Variants in GABRG3 observed in about 807,000 individuals in gnomAD.
The protein encoded by GABRG3 is gamma-aminobutyric acid receptor subunit gamma-3.
GABRG3 carries 25 observed loss-of-function variants against 48.8 expected under a neutral mutation model. The observed-to-expected ratio is 0.51, with a 90% CI of 0.37 to 0.72. GABRG3 has a LOEUF of 0.72. Among genes scored for constraint, GABRG3 ranks in the 30% least tolerant of loss-of-function variants. GABRG3 has a pLI of 0.00. For synonymous variants in GABRG3, 227 were observed against 217.6 expected, an observed-to-expected ratio of 1.04 and a Z score of -0.38; for missense variants, 394 against 577.9, an observed-to-expected ratio of 0.68 and a Z score of 3.26.
chr15:27,286,698 G>A lies in GABRG3; in HGVS notation c.271-40111G>A, dbSNP rs553061626. ...GAGCTCAAGTGCTTTTAGAAAAGAAGTTTTGAATTACTACTAATAAATATA... is the reference window on the plus strand; with the variant it reads ...GAGCTCAAGTGCTTTTAGAAAAGAAATTTTGAATTACTACTAATAAATATA... On this transcript the variant is annotated intron_variant, in intron 3 of 9. Transcript: ENST00000615808. Among the ~76,000 whole-genome samples, 5 of 152,288 alleles carry A rather than the reference G, an allele frequency of 3.3e-5. No homozygotes were observed. The South Asian group carries it at 1.0e-3, about 32-fold the overall frequency.
intron 5 of GABRG3, among the ~76,000 whole-genome samples, chr15:27,456,872 C>T (rs991257482): frequency 4.6e-5 from 7 of 152,188 alleles, no homozygotes; most frequent in South Asian, 4.1e-4. Context: ...CCACCTGCAG[C>T]AGCAGGAAGA....
At chr15:27,313,015 T>C (rs559458992) in intron 3 of GABRG3, among the ~76,000 whole-genome samples, 2 of 148,608 alleles carry the variant, frequency 1.3e-5, no homozygotes, top group African/African-American at 2.5e-5. Context: ...AAGACATACA[T>C]AGGCTGAGAA....
chr15:27,266,745 C>G lies in GABRG3; in HGVS notation c.271-60064C>G, dbSNP rs570403365. Reference sequence around the variant, plus strand: ...GTTTCAATGTACATATGTTTTACATCTTCTGCCAGATTTATGCTCATGTAT... The same window carrying G: ...GTTTCAATGTACATATGTTTTACATGTTCTGCCAGATTTATGCTCATGTAT... On this transcript the variant is annotated intron_variant, in intron 3 of 9. Coordinates refer to ENST00000615808, the MANE Select transcript of GABRG3 (RefSeq NM_033223.5). Among the ~76,000 whole-genome samples the G allele has an allele frequency of 2.4e-4, 36 of 152,278 alleles. No homozygotes were observed. The South Asian group carries it at 6.4e-3, about 27-fold the overall frequency.
At chr15:27,042,913 T>C (rs1287669685) in intron 3 of GABRG3, among the ~76,000 whole-genome samples, 1 of 152,202 alleles carries the variant, frequency 6.6e-6, no homozygotes, top group Non-Finnish European at 1.5e-5. Flanking sequence ...TTGGAGATGC[T>C]GTTGTCACTG....
intron 3 of GABRG3, among the ~76,000 whole-genome samples, chr15:27,237,854 A>G (rs1890022271): frequency 6.6e-6 from 1 of 152,150 alleles, no homozygotes; most frequent in Admixed American, 6.5e-5. Context: ...GGCAGGAAGC[A>G]CCAAATTTAT....
At chr15:27,159,566 C>T (rs2140402669) in intron 3 of GABRG3, among the ~76,000 whole-genome samples, 1 of 152,048 alleles carries the variant, frequency 6.6e-6, no homozygotes, top group East Asian at 1.9e-4. Flanking sequence ...TCTTATTTTC[C>T]ATCATGTTCC....
Position 27,307,345 on chromosome 15 carries a change from A to ATATATGTTTATATATAACCATATAGGTT in GABRG3, c.271-19458_271-19431dup, listed in dbSNP as rs1566770921. ...TATGTTTATATATAACCATAGGTTT[A>ATATATGTTTATATATAACCATATAGGTT]TATATGTTTATATATAACCATATAG... On this transcript the variant is annotated intron_variant, in intron 3 of 9. Transcript: ENST00000615808. Among the ~76,000 whole-genome samples the ATATATGTTTATATATAACCATATAGGTT allele has an allele frequency of 1.8e-4, 23 of 131,242 alleles. 4 individuals carry two copies. In the East Asian group the frequency reaches 4.6e-3, roughly 26 times the overall value. The allele number at this position is 131,242 out of a possible 152,430, so 86.1% of individuals were successfully genotyped here. A position where few individuals can be genotyped will look rare whatever the true frequency, so the allele number is the denominator to read the frequency against.
At chr15:27,169,309 T>C (rs1307047534) in intron 3 of GABRG3, among the ~76,000 whole-genome samples, 1 of 152,140 alleles carries the variant, frequency 6.6e-6, no homozygotes, top group Non-Finnish European at 1.5e-5. Context: ...AAGTGAATTG[T>C]ACTTGGGAGT....
At chr15:27,184,330 T>C (rs933212409) in intron 3 of GABRG3, among the ~76,000 whole-genome samples, 1 of 152,190 alleles carries the variant, frequency 6.6e-6, no homozygotes, top group Admixed American at 6.5e-5. Flanking sequence ...AAAGGGTAAC[T>C]GGGACATTTG....
intron 2 of GABRG3, among the ~76,000 whole-genome samples, chr15:27,025,059 C>T (rs61998077): frequency 0.16 from 22,929 of 145,674 alleles, 1,920 homozygotes; most frequent in South Asian, 0.2. Flanking sequence ...CTACTAAAAG[C>T]GCTTCATTTT....
Position 27,204,744 on chromosome 15 carries a change from A to G in GABRG3, c.271-122065A>G, listed in dbSNP as rs547421451. ...CAGTGTTTTATAATTCTCATTGTAG[A>G]GATCTTTCACCTCCTTGTCTAGCTG... On this transcript the variant is annotated intron_variant, in intron 3 of 9. Transcript: ENST00000615808. Among the ~76,000 whole-genome samples the G allele has an allele frequency of 5.3e-5, 8 of 152,198 alleles. No individual in the cohort carries two copies. The South Asian group carries it at 1.7e-3, about 32-fold the overall frequency.
chr15:27,281,903 A>T (rs1260179042), intron 3 of GABRG3, among the ~76,000 whole-genome samples: 2 of 151,762 alleles, frequency 1.3e-5, no homozygotes, highest in African/African-American at 4.8e-5. Context: ...TGTTTGATAA[A>T]TTTTATTAAG....
Position 27,533,046 on chromosome 15 carries a change from A to G in GABRG3, c.*165A>G. 7.9e-6 allele frequency: 5 copies of G among 629,638 alleles called. No homozygotes were observed. Among genetic ancestry groups the G allele is most frequent in the South Asian group, 2.0e-5 (1 of 50,250 alleles). 39.0% of individuals were successfully genotyped at this position (629,638 alleles called of 1,614,324 possible). A position where few individuals can be genotyped will look rare whatever the true frequency, so the allele number is the denominator to read the frequency against. Reference sequence around the variant, plus strand: ...CAGGAAGTACCCAGCAAAGGTTTCTATTATGTATTTTACACACACACATAC... The same window carrying G: ...CAGGAAGTACCCAGCAAAGGTTTCTGTTATGTATTTTACACACACACATAC... On this transcript the variant is annotated 3_prime_UTR_variant, in exon 10 of 10. Coordinates refer to ENST00000615808, the MANE Select transcript of GABRG3 (RefSeq NM_033223.5).
rs998302655 is a variant in GABRG3, at chr15:26,976,294, A to C, written c.54-708A>C. Among the ~76,000 whole-genome samples, 1 of 152,184 alleles carries C rather than the reference A, an allele frequency of 6.6e-6. No homozygotes were observed. The highest frequency in any genetic ancestry group is 1.5e-5 in the Non-Finnish European group (1 of 68,030). On this transcript the variant is annotated intron_variant, in intron 1 of 9. Coordinates refer to ENST00000615808, the MANE Select transcript of GABRG3 (RefSeq NM_033223.5). This position sits in a 1 kb window ranked among gnomAD's most constrained non-coding sequence, Gnocchi z 7.8. ...CATTTACTAAGAAGTCAGAATGTTG[A>C]AGACTTATTAGAAAGCTTAGTTCTT... is the stretch of plus-strand genomic sequence containing the variant.
At chr15:27,411,914 A>C (rs1887809386) in intron 5 of GABRG3, among the ~76,000 whole-genome samples, 1 of 152,152 alleles carries the variant, frequency 6.6e-6, no homozygotes, top group Non-Finnish European at 1.5e-5. Flanking sequence ...GAAAAATAAA[A>C]GATTTTACTT....
chr15:27,077,865 A>C (rs369697252), intron 3 of GABRG3, among the ~76,000 whole-genome samples: 2 of 152,286 alleles, frequency 1.3e-5, no homozygotes, highest in East Asian at 3.9e-4. Context: ...GCCACTGTGG[A>C]GGGCAGTTCT....
intron 5 of GABRG3, among the ~76,000 whole-genome samples, chr15:27,476,756 G>T (rs141631801): frequency 6.6e-6 from 1 of 152,104 alleles, no homozygotes; most frequent in African/African-American, 2.4e-5. Context: ...AGAAGCAGGG[G>T]CAAAATTACT....
chr15:27,081,002 C>G (rs1346351535), intron 3 of GABRG3, among the ~76,000 whole-genome samples: 1 of 152,194 alleles, frequency 6.6e-6, no homozygotes, highest in Admixed American at 6.5e-5. Context: ...CCACCCCACT[C>G]AGGTCCTCTT....
chr15:27,338,158 C>T (rs1014535107), intron 5 of GABRG3, among the ~76,000 whole-genome samples: 1 of 152,094 alleles, frequency 6.6e-6, no homozygotes, highest in Admixed American at 6.5e-5. Flanking sequence ...TTCAGGCTGC[C>T]CTTGAGTGGG....
Sources: gnomAD v4.1 joint callset for allele counts (sites outside exome capture counted in the v4.1 genomes callset) on GRCh38, gnomAD v4.1.1 for gene constraint, Gnocchi (gnomAD v3.1) non-coding constraint, MANE v1.5 for transcripts, NCBI Gene and HGNC (gene_info 2026-07-23, HGNC 2026-07-21) for gene names.